THSD4: variants seen among roughly 807,000 people sequenced by gnomAD.
The protein encoded by THSD4 is thrombospondin type 1 domain containing 4.
A neutral mutation model predicts 119.0 loss-of-function variants in THSD4; 69 were observed. The observed-to-expected ratio is 0.58, with a 90% CI of 0.48 to 0.71. The LOEUF (loss-of-function observed/expected upper bound fraction) is 0.71, where lower values mean the gene tolerates loss of function less well. THSD4 is among the 30% of genes least tolerant of loss of function. The probability of loss-of-function intolerance (pLI) is 0.00; values close to 1 mark genes in which losing one functional copy is unlikely to be tolerated. For synonymous variants in THSD4, 524 were observed against 540.4 expected (o/e 0.97, Z 0.42); for missense variants, 1,393 against 1,391.1 (o/e 1.00, Z -0.02).
chr15:71,631,691 C>A (rs777640331), intron 7 of THSD4, among the ~76,000 whole-genome samples: 1 of 152,184 alleles, frequency 6.6e-6, no homozygotes, highest in Non-Finnish European at 1.5e-5. Context: ...AGCCATCAGT[C>A]CTTGGCTACG....
At chr15:71,500,711 C>T (rs2048098347) in intron 7 of THSD4, among the ~76,000 whole-genome samples, 1 of 152,184 alleles carries the variant, frequency 6.6e-6, no homozygotes, top group African/African-American at 2.4e-5. Context: ...CCAGTTTTCC[C>T]AATACCACGT....
chr15:71,764,956 T>C (rs905034974), intron 15 of THSD4, 64 bp from the exon 16 acceptor site: 6 of 1,552,370 alleles, frequency 3.9e-6, no homozygotes, highest in Non-Finnish European at 4.4e-6. Context: ...CATCCCTTGA[T>C]GGACAGTAGC....
At chr15:71,483,046 A>T (rs2047758017) in intron 7 of THSD4, among the ~76,000 whole-genome samples, 1 of 152,212 alleles carries the variant, frequency 6.6e-6, no homozygotes, top group Admixed American at 6.5e-5. Flanking sequence ...GACAAAAAAA[A>T]TAAGGAGGTT....
chr15:71,184,920 T>C (rs2043583226), intron 3 of THSD4, among the ~76,000 whole-genome samples: 1 of 151,806 alleles, frequency 6.6e-6, no homozygotes, highest in African/African-American at 2.4e-5. Context: ...CCAAACCCTT[T>C]GGTTTTTTTT....
intron 6 of THSD4, among the ~76,000 whole-genome samples, chr15:71,328,350 T>A (rs2045374046): frequency 6.6e-6 from 1 of 152,224 alleles, no homozygotes; most frequent in African/African-American, 2.4e-5. Context: ...GGGTGAAGAA[T>A]GGAAAAGCAC....
At chr15:71,547,163 C>G (rs1370919034) in intron 7 of THSD4, 2 of 1,297,138 alleles carry the variant, frequency 1.5e-6, no homozygotes, top group Non-Finnish European at 2.0e-6. Context: ...CCCCCAGCTC[C>G]CAGCTGGCTC....
At chr15:71,695,671 A>G (rs2052151523) in intron 8 of THSD4, among the ~76,000 whole-genome samples, 1 of 152,150 alleles carries the variant, frequency 6.6e-6, no homozygotes. Context: ...AGTCCCAACC[A>G]ACCCAGGGAG....
chr15:71,172,504 A>G (rs1377152918), intron 3 of THSD4, among the ~76,000 whole-genome samples: 1 of 151,140 alleles, frequency 6.6e-6, no homozygotes, highest in East Asian at 1.9e-4. Context: ...AAAAATTCTT[A>G]TGAAAATGTA....
intron 7 of THSD4, among the ~76,000 whole-genome samples, chr15:71,522,635 T>C (rs2048459639): frequency 1.3e-5 from 2 of 152,206 alleles, no homozygotes; most frequent in African/African-American, 2.4e-5. Context: ...AATAAACACA[T>C]GTTGACTGAA....
chr15:71,324,255 C>T (rs775961072), intron 6 of THSD4, among the ~76,000 whole-genome samples: 2 of 151,678 alleles, frequency 1.3e-5, no homozygotes, highest in South Asian at 2.1e-4. Context: ...ACGATAGCGC[C>T]GTATACAGCT....
chr15:71,703,550 A>G (rs1169587894), intron 8 of THSD4, among the ~76,000 whole-genome samples: 1 of 152,152 alleles, frequency 6.6e-6, no homozygotes, highest in African/African-American at 2.4e-5. Flanking sequence ...GATACAGCAA[A>G]GAGAGGGGAC....
chr15:71,345,749 G>A (rs556512139), intron 6 of THSD4, among the ~76,000 whole-genome samples: 12 of 151,036 alleles, frequency 7.9e-5, no homozygotes, highest in African/African-American at 2.4e-4. Context: ...AAGACATTCC[G>A]TTAGAGTGCC....
intron 7 of THSD4, among the ~76,000 whole-genome samples, chr15:71,496,090 G>A (rs2048012784): frequency 6.6e-6 from 1 of 152,162 alleles, no homozygotes; most frequent in African/African-American, 2.4e-5. Flanking sequence ...CCATCCTTTG[G>A]TTTCTTAAGT....
intron 1 of THSD4, among the ~76,000 whole-genome samples, chr15:71,102,858 AC>A (rs1425070027): frequency 6.6e-6 from 1 of 152,114 alleles, no homozygotes; most frequent in African/African-American, 2.4e-5. Flanking sequence ...GAGCCACTCC[AC>A]TAGGCCTGTT....
At chr15:71,387,342 A>G (rs2046307516) in intron 6 of THSD4, among the ~76,000 whole-genome samples, 1 of 152,212 alleles carries the variant, frequency 6.6e-6, no homozygotes, top group Non-Finnish European at 1.5e-5. Flanking sequence ...TCTCCAAACC[A>G]AATGGTACCC....
At chr15:71,149,080 C>T (rs965630776) in intron 2 of THSD4, among the ~76,000 whole-genome samples, 7 of 151,050 alleles carry the variant, frequency 4.6e-5, no homozygotes, top group Non-Finnish European at 4.4e-5. Context: ...GCTCTATCAC[C>T]CAGGCTGGAG....
intron 7 of THSD4, among the ~76,000 whole-genome samples, chr15:71,439,475 A>G (rs1458114332): frequency 1.3e-5 from 2 of 152,218 alleles, no homozygotes; most frequent in Non-Finnish European, 2.9e-5. Flanking sequence ...TCAAGGATCT[A>G]GAACTAGAAA....
intron 6 of THSD4, among the ~76,000 whole-genome samples, chr15:71,279,123 C>T (rs1224267159): frequency 6.6e-6 from 1 of 152,124 alleles, no homozygotes; most frequent in Non-Finnish European, 1.5e-5. Flanking sequence ...ACGTGGCCTG[C>T]CTGTCATCAG....
At chr15:71,191,745 C>T (rs1177178340) in intron 3 of THSD4, among the ~76,000 whole-genome samples, 3 of 152,130 alleles carry the variant, frequency 2.0e-5, no homozygotes, top group Middle Eastern at 3.2e-3. Flanking sequence ...TCTCCTTTTA[C>T]CCTTCCACAT....
Sources: allele counts gnomAD v4.1 joint callset (sites outside exome capture counted in the v4.1 genomes callset), GRCh38; gene constraint gnomAD v4.1.1; transcripts MANE v1.5; gene names NCBI Gene and HGNC (gene_info 2026-07-23, HGNC 2026-07-21).